The following GOSR1 variants were observed in gnomAD, a reference collection of about 807,000 sequenced individuals.
GOSR1 encodes 28 kDa Golgi SNARE protein.
GOSR1 carries 21 observed loss-of-function variants against 35.5 expected under a neutral mutation model. The observed-to-expected ratio is 0.59, with a 90% confidence interval of 0.42 to 0.85. GOSR1 has a LOEUF of 0.85. GOSR1 is among the 40% of genes least tolerant of loss of function. GOSR1 has a pLI of 0.00. For missense variants in GOSR1, 285 were observed against 309.6 expected, an observed-to-expected ratio of 0.92 and a Z score of 0.60; for synonymous variants, 94 against 106.6, an observed-to-expected ratio of 0.88 and a Z score of 0.73.
chr17:30,507,265 C>G (rs1967433716), intron 6 of GOSR1, among the ~76,000 whole-genome samples: 2 of 152,100 alleles, frequency 1.3e-5, no homozygotes, highest in South Asian at 4.1e-4. Context: ...ATTCTAGATG[C>G]CATTAAGAAC....
chr17:30,497,684 C>A (rs1967048981), intron 6 of GOSR1, among the ~76,000 whole-genome samples: 1 of 152,162 alleles, frequency 6.6e-6, no homozygotes, highest in African/African-American at 2.4e-5. Flanking sequence ...TAAGTGATTC[C>A]AGCCCTGTGG....
At chr17:30,477,892 G>A (rs1914050387) in intron 1 of GOSR1, 2 of 985,240 alleles carry the variant, frequency 2.0e-6, no homozygotes, top group African/African-American at 1.7e-5. Flanking sequence ...GGAAAACTGA[G>A]TGGGAAAAGA....
chr17:30,492,315 A>G (rs1915099383), intron 5 of GOSR1, among the ~76,000 whole-genome samples: 1 of 152,090 alleles, frequency 6.6e-6, no homozygotes, highest in Non-Finnish European at 1.5e-5. Flanking sequence ...CAGCTTTCCC[A>G]CCCTGTGTGC....
intron 4 of GOSR1, among the ~76,000 whole-genome samples, chr17:30,487,717 AG>A (rs1471087839): frequency 1.3e-5 from 2 of 152,198 alleles, no homozygotes; most frequent in African/African-American, 4.8e-5. Flanking sequence ...TATAGAAGGC[AG>A]TTTAGCACTA....
intron 6 of GOSR1, among the ~76,000 whole-genome samples, chr17:30,501,954 A>C (rs1179587402): frequency 6.6e-6 from 1 of 152,256 alleles, no homozygotes; most frequent in Non-Finnish European, 1.5e-5. Flanking sequence ...AGTTGGAAGC[A>C]GTCAAGATGT....
At chr17:30,495,062 C>A (rs1437056652) in intron 6 of GOSR1, among the ~76,000 whole-genome samples, 2 of 151,536 alleles carry the variant, frequency 1.3e-5, no homozygotes, top group African/African-American at 2.4e-5. Context: ...GTGGTGGGCA[C>A]CTGTAATCCC....
At chr17:30,505,273 G>A (rs1967358699) in intron 6 of GOSR1, among the ~76,000 whole-genome samples, 1 of 152,188 alleles carries the variant, frequency 6.6e-6, no homozygotes, top group African/African-American at 2.4e-5. Flanking sequence ...GGTGGCTTAT[G>A]CCTGTGATTC....
intron 5 of GOSR1, among the ~76,000 whole-genome samples, chr17:30,491,137 T>A (rs186372719): frequency 6.6e-6 from 1 of 152,338 alleles, no homozygotes; most frequent in Non-Finnish European, 1.5e-5. Context: ...TTGTTTAATT[T>A]CCATGTAGTC....
chr17:30,481,225 T>C lies in GOSR1; in HGVS notation c.114T>C (p.Ser38=), dbSNP rs1211013199. ...VSFSKLCTSY[S]HSSTRDGRRD... is the part of the protein sequence containing the mutation. ...TCAGCAAACTATGTACAAGTTACAG[T>C]CATAGCAGTACCCGAGATGGAAGAC... is the stretch of plus-strand genomic sequence containing the variant. The change falls in exon 2 of 9, where the codon AGT becomes AGC. Residue 38 remains serine (S), a synonymous_variant. Transcript: ENST00000451249. 1 of 1,605,920 alleles carries C rather than the reference T, an allele frequency of 6.2e-7. No individual in the cohort carries two copies. Among genetic ancestry groups the C allele is most frequent in the Non-Finnish European group, 8.5e-7 (1 of 1,172,644 alleles).
Position 30,523,530 on chromosome 17 carries a change from G to T in GOSR1, c.*1152G>T, listed in dbSNP as rs1184219180. 117 of 156,688 alleles carry T rather than the reference G, an allele frequency of 7.5e-4. No homozygotes were observed. The highest frequency in any genetic ancestry group is 2.8e-3 in the African/African-American group (114 of 40,032). The allele number at this position is 156,688 out of a possible 1,614,324, so 9.7% of individuals were successfully genotyped here. A position where few individuals can be genotyped will look rare whatever the true frequency, so the allele number is the denominator to read the frequency against. On this transcript the variant is annotated 3_prime_UTR_variant, in exon 9 of 9. Coordinates refer to ENST00000451249, the MANE Select transcript of GOSR1 (RefSeq NM_001007025.2). The stretch of plus-strand genomic sequence containing the variant: ...GCCCCGTCCGGGAGGGAGGTGGGGG[G>T]GTCAGCCCCCCGCCCGGCCAGCCGC...
At chr17:30,521,240 G>A (rs1433532676) in intron 8 of GOSR1, among the ~76,000 whole-genome samples, 1 of 140,034 alleles carries the variant, frequency 7.1e-6, no homozygotes, top group Non-Finnish European at 1.5e-5. Context: ...GGAGTACAGT[G>A]GCACGATCTC....
chr17:30,484,963 T>C, intron 4 of GOSR1, 193 bp downstream of exon 4: 1 of 610,076 alleles, frequency 1.6e-6, no homozygotes, highest in Non-Finnish European at 3.0e-6. Context: ...AAATATCTAA[T>C]AGCTCTTGCT....
intron 6 of GOSR1, among the ~76,000 whole-genome samples, chr17:30,505,873 T>G (rs1967384337): frequency 6.6e-6 from 1 of 152,120 alleles, no homozygotes; most frequent in Non-Finnish European, 1.5e-5. Flanking sequence ...GGACTACAGG[T>G]GCACACCACT....
chr17:30,501,749 C>G (rs1567908387), intron 6 of GOSR1, among the ~76,000 whole-genome samples: 1 of 152,202 alleles, frequency 6.6e-6, no homozygotes, highest in Non-Finnish European at 1.5e-5. Flanking sequence ...CCGCCTTGGC[C>G]TCCCAAAGTT....
At chr17:30,507,968 T>C (rs753152700) in intron 6 of GOSR1, among the ~76,000 whole-genome samples, 2 of 152,192 alleles carry the variant, frequency 1.3e-5, no homozygotes, top group Non-Finnish European at 2.9e-5. Context: ...TTGAGAGGAC[T>C]GACTCCAATT....
chr17:30,497,128 C>G (rs1029172415), intron 6 of GOSR1, among the ~76,000 whole-genome samples: 2 of 152,088 alleles, frequency 1.3e-5, no homozygotes, highest in Admixed American at 6.5e-5. Flanking sequence ...TTGGCTCATG[C>G]CTGTAAAGCC....
intron 6 of GOSR1, among the ~76,000 whole-genome samples, chr17:30,500,544 A>G (rs1359089219): frequency 6.6e-6 from 1 of 152,184 alleles, no homozygotes; most frequent in East Asian, 1.9e-4. Context: ...TTAATTGGAC[A>G]CTTGCTAGTT....
In GOSR1 at chr17:30,524,546, T is replaced by A. The variant is rs977156635; in HGVS notation, c.*2168T>A. The A allele has an allele frequency of 7.2e-5, 11 of 151,938 alleles. No homozygotes were observed. Among genetic ancestry groups the A allele is most frequent in the Non-Finnish European group, 1.5e-4 (10 of 67,966 alleles). 9.4% of individuals were successfully genotyped at this position (151,938 alleles called of 1,614,324 possible). On this transcript the variant is annotated 3_prime_UTR_variant, in exon 9 of 9. Coordinates refer to ENST00000451249, the MANE Select transcript of GOSR1 (RefSeq NM_001007025.2). ...CCAGTCATTGTTTCCATTTTTTTTTTAATTCTTCCCTTGGATTAATATTTT... is the reference window on the plus strand; with the variant it reads ...CCAGTCATTGTTTCCATTTTTTTTTAAATTCTTCCCTTGGATTAATATTTT...
intron 4 of GOSR1, among the ~76,000 whole-genome samples, chr17:30,488,452 C>T (rs915145753): frequency 6.6e-6 from 1 of 151,996 alleles, no homozygotes; most frequent in African/African-American, 2.4e-5. Flanking sequence ...GCGTGAGCCA[C>T]TGCGCCCAGC....
Sources: allele counts gnomAD v4.1 joint callset (sites outside exome capture counted in the v4.1 genomes callset), GRCh38; gene constraint gnomAD v4.1.1; transcripts MANE v1.5; gene names NCBI Gene and HGNC (gene_info 2026-07-23, HGNC 2026-07-21).